Variants in CPQ observed in about 807,000 individuals in gnomAD.
CPQ encodes Ser-Met dipeptidase.
A neutral mutation model predicts 45.7 loss-of-function variants in CPQ; 37 were observed. The observed-to-expected ratio is 0.81, with a 90% confidence interval of 0.62 to 1.07. The LOEUF (loss-of-function observed/expected upper bound fraction) is 1.07, where lower values mean the gene tolerates loss of function less well. CPQ is among the 50% of genes least tolerant of loss of function. The pLI, the probability that CPQ is intolerant of heterozygous loss-of-function variation, is 0.00. For synonymous variants in CPQ, 186 were observed against 205.8 expected, an observed-to-expected ratio of 0.90 and a Z score of 0.82; for missense variants, 537 against 572.9, an observed-to-expected ratio of 0.94 and a Z score of 0.64.
intron 1 of CPQ, among the ~76,000 whole-genome samples, chr8:96,780,180 A>G (rs1400945032): frequency 6.6e-6 from 1 of 152,212 alleles, no homozygotes; most frequent in Non-Finnish European, 1.5e-5. Context: ...TAAGGGAGAC[A>G]GGTTTATAAA....
At chr8:96,792,365 C>T (rs1810858744) in intron 2 of CPQ, among the ~76,000 whole-genome samples, 2 of 152,184 alleles carry the variant, frequency 1.3e-5, no homozygotes, top group Admixed American at 1.3e-4. Context: ...CTTGGGCAGA[C>T]TATGCGGTTC....
intron 4 of CPQ, among the ~76,000 whole-genome samples, chr8:96,963,882 T>C (rs1360942571): frequency 6.6e-6 from 1 of 152,156 alleles, no homozygotes; most frequent in East Asian, 1.9e-4. Context: ...TGCGTGTTTT[T>C]ATACTTTATA....
At chr8:96,809,422 T>A (rs1423889480) in intron 2 of CPQ, among the ~76,000 whole-genome samples, 2 of 152,160 alleles carry the variant, frequency 1.3e-5, no homozygotes, top group African/African-American at 4.8e-5. Flanking sequence ...ATGGAACACA[T>A]GCCTGATGGA....
In CPQ at chr8:97,006,864, C is replaced by T. The variant is rs558302310; in HGVS notation, c.962-22539C>T. Among the ~76,000 whole-genome samples, 6 of 152,204 alleles carry T rather than the reference C, an allele frequency of 3.9e-5. No homozygotes were observed. The South Asian group carries it at 1.0e-3, about 26-fold the overall frequency. ...TGACTTCTGTGGCAGGTTGCTGGCTCATTCTCCTGCATGGAAGAGTTGAAA... is the reference window on the plus strand; with the variant it reads ...TGACTTCTGTGGCAGGTTGCTGGCTTATTCTCCTGCATGGAAGAGTTGAAA... On this transcript the variant is annotated intron_variant, in intron 5 of 7. Transcript: ENST00000220763.
At chr8:96,855,566 A>T (rs941061699) in intron 3 of CPQ, among the ~76,000 whole-genome samples, 7 of 152,182 alleles carry the variant, frequency 4.6e-5, no homozygotes, top group African/African-American at 1.7e-4. Context: ...GGCCTTTCTG[A>T]TACATTGTCT....
intron 1 of CPQ, among the ~76,000 whole-genome samples, chr8:96,689,985 G>A (rs1284539032): frequency 1.3e-5 from 2 of 152,070 alleles, no homozygotes; most frequent in Non-Finnish European, 2.9e-5. Flanking sequence ...TCTCCAATAT[G>A]ACCTTCATTT....
intron 2 of CPQ, among the ~76,000 whole-genome samples, chr8:96,794,813 G>A (rs1451177906): frequency 6.6e-6 from 1 of 152,026 alleles, no homozygotes; most frequent in Non-Finnish European, 1.5e-5. Context: ...GCTAGGGTGG[G>A]GGTAAAATGC....
chr8:96,908,645 G>A (rs1401074829), intron 4 of CPQ, among the ~76,000 whole-genome samples: 1 of 151,860 alleles, frequency 6.6e-6, no homozygotes, highest in African/African-American at 2.4e-5. Flanking sequence ...TGGGAGAATG[G>A]GAGATAGGTT....
At chr8:97,041,881 G>T (rs1013909791) in intron 6 of CPQ, among the ~76,000 whole-genome samples, 55 of 152,180 alleles carry the variant, frequency 3.6e-4, no homozygotes, top group Non-Finnish European at 2.9e-4. Context: ...GCTGGATTCA[G>T]TTTGCCAGTA....
At chr8:96,711,871 G>T (rs763028391) in intron 1 of CPQ, among the ~76,000 whole-genome samples, 12 of 152,044 alleles carry the variant, frequency 7.9e-5, no homozygotes, top group Non-Finnish European at 1.8e-4. Context: ...GTCCCCCAAA[G>T]TCTTAACTCA....
chr8:96,885,855 G>C (rs1812299513), intron 4 of CPQ, among the ~76,000 whole-genome samples: 1 of 152,114 alleles, frequency 6.6e-6, no homozygotes, highest in Non-Finnish European at 1.5e-5. Context: ...AGCCGGGTGT[G>C]GTGGCGGGCG....
intron 1 of CPQ, among the ~76,000 whole-genome samples, chr8:96,762,055 G>A (rs932180875): frequency 2.0e-5 from 3 of 152,316 alleles, no homozygotes; most frequent in East Asian, 1.9e-4. Context: ...CAATAGCTAT[G>A]CTATTATACC....
chr8:96,994,893 A>G (rs544797772), intron 5 of CPQ, among the ~76,000 whole-genome samples: 1 of 152,212 alleles, frequency 6.6e-6, no homozygotes, highest in South Asian at 2.1e-4. Context: ...AGTGCTAATC[A>G]TTGTGTGGGA....
chr8:96,813,813 G>T (rs1324969772), intron 2 of CPQ, among the ~76,000 whole-genome samples: 2 of 152,042 alleles, frequency 1.3e-5, no homozygotes, highest in Non-Finnish European at 2.9e-5. Flanking sequence ...TACTAATAGG[G>T]CCCTGGGTAG....
chr8:96,950,336 T>A (rs1813242743), intron 4 of CPQ, among the ~76,000 whole-genome samples: 1 of 152,160 alleles, frequency 6.6e-6, no homozygotes, highest in South Asian at 2.1e-4. Flanking sequence ...CTTGCTGGAT[T>A]CTGAATCATA....
At chr8:96,682,142 G>A (rs1268582474) in intron 1 of CPQ, among the ~76,000 whole-genome samples, 2 of 152,156 alleles carry the variant, frequency 1.3e-5, no homozygotes, top group Non-Finnish European at 2.9e-5. Context: ...TTTGAAATAT[G>A]AGGACATGAG....
intron 1 of CPQ, among the ~76,000 whole-genome samples, chr8:96,666,680 A>G (rs1360294158): frequency 6.6e-6 from 1 of 152,256 alleles, no homozygotes; most frequent in Non-Finnish European, 1.5e-5. Flanking sequence ...GGCCATTCAA[A>G]TATGGCTCTT....
chr8:96,957,356 T>C (rs769044530), intron 4 of CPQ, among the ~76,000 whole-genome samples: 2 of 152,172 alleles, frequency 1.3e-5, no homozygotes, highest in Non-Finnish European at 2.9e-5. Context: ...TAGAAACCAT[T>C]AGGGGCCAAG....
At chr8:96,677,124 G>A (rs1038623785) in intron 1 of CPQ, among the ~76,000 whole-genome samples, 3 of 152,018 alleles carry the variant, frequency 2.0e-5, no homozygotes, top group Admixed American at 1.3e-4. Flanking sequence ...AAATTGTGCT[G>A]CTGTAAAAAT....
Sources: gnomAD v4.1 joint callset for allele counts (sites outside exome capture counted in the v4.1 genomes callset) on GRCh38, gnomAD v4.1.1 for gene constraint, MANE v1.5 for transcripts, NCBI Gene and HGNC (gene_info 2026-07-23, HGNC 2026-07-21) for gene names.